Variants in DEPDC4 observed in about 807,000 individuals in gnomAD.
DEPDC4 encodes the protein DEP domain containing 4.
DEPDC4 carries 52 observed loss-of-function variants against 52.0 expected under a neutral mutation model. That is an observed-to-expected ratio of 1.00 (90% CI 0.80 to 1.26). DEPDC4 has a LOEUF of 1.26. DEPDC4 is among the 50% of genes most tolerant of loss of function. The probability of loss-of-function intolerance (pLI) is 0.00; values close to 1 mark genes in which losing one functional copy is unlikely to be tolerated. For synonymous variants in DEPDC4, 201 were observed against 196.8 expected (o/e 1.02, Z -0.18); for missense variants, 530 against 546.9 (o/e 0.97, Z 0.31).
chr12:100,258,839 A>G (rs1041005030), intron 3 of DEPDC4, among the ~76,000 whole-genome samples: 3 of 152,070 alleles, frequency 2.0e-5, no homozygotes, highest in African/African-American at 4.8e-5. Context: ...GGGAGGTTGC[A>G]GTGGTCAGAT....
At chr12:100,279,621 T>C in the DEPDC4 span, among the ~76,000 whole-genome samples, 1 of 152,242 alleles carries the variant, frequency 6.6e-6, no homozygotes, top group African/African-American at 2.4e-5. Flanking sequence ...ACTTTGGTCA[T>C]TTGATAATTG....
At chr12:100,244,134 T>TATATATATATATATAC (rs1403751762) in intron 8 of DEPDC4, among the ~76,000 whole-genome samples, 2 of 121,794 alleles carry the variant, frequency 1.6e-5, no homozygotes, top group South Asian at 2.6e-4. Context: ...TATATATATA[T>TATATATATATATATAC]ACACAAAATA....
At chr12:100,270,724 C>T (rs1447903529), upstream of DEPDC4, among the ~76,000 whole-genome samples, 1 of 151,558 alleles carries the variant, frequency 6.6e-6, no homozygotes, top group Non-Finnish European at 1.5e-5. Flanking sequence ...ATCCTCCTGC[C>T]TTGGCCTCCC....
At chr12:100,252,956 G>C (rs371965710) in intron 5 of DEPDC4, among the ~76,000 whole-genome samples, 1 of 152,106 alleles carries the variant, frequency 6.6e-6, no homozygotes, top group South Asian at 2.1e-4. Flanking sequence ...TCACTCTGTC[G>C]CCCAGGCTGG....
At chr12:100,249,041 T>A in intron 7 of DEPDC4, 63 bp from the exon 8 acceptor site, 1 of 672,550 alleles carries the variant, frequency 1.5e-6, no homozygotes, top group Non-Finnish European at 1.8e-6. Flanking sequence ...CATTTCAACA[T>A]AGAAAGAAAA....
chr12:100,266,857 CCTGCTCCCTTCAG>C (rs1385627803), intron 1 of DEPDC4, 50 bp downstream of exon 1: 1 of 1,556,736 alleles, frequency 6.4e-7, no homozygotes, highest in Non-Finnish European at 8.7e-7. Context: ...GTCCCAGCCG[CCTGCTCCCTTCAG>C]CTGCCCCCTC....
chr12:100,270,566 G>A (rs950502379), upstream of DEPDC4, among the ~76,000 whole-genome samples: 1 of 147,016 alleles, frequency 6.8e-6, no homozygotes, highest in Non-Finnish European at 1.5e-5. Flanking sequence ...CTTACTTATT[G>A]TTTAAATTAC....
chr12:100,233,707 T>G (rs371071955), intron 9 of DEPDC4, among the ~76,000 whole-genome samples: 2 of 152,206 alleles, frequency 1.3e-5, no homozygotes, highest in African/African-American at 4.8e-5. Flanking sequence ...TTTTGGTTTT[T>G]GTGTTCCAAA....
chr12:100,253,588 T>C lies in DEPDC4; in HGVS notation c.1006A>G (p.Ile336Val), dbSNP rs571646152. The C allele has an allele frequency of 1.6e-6, 2 of 1,289,208 alleles. No individual in the cohort carries two copies. Among genetic ancestry groups the C allele is most frequent in the Non-Finnish European group, 2.0e-6 (2 of 988,510 alleles). The allele number at this position is 1,289,208 out of a possible 1,614,324, so 79.9% of individuals were successfully genotyped here. Residue 336 changes from isoleucine (I) to valine (V), a missense_variant, in exon 5 of 10, where the codon ATA becomes GTA. Coordinates refer to ENST00000550587, the MANE Select transcript of DEPDC4 (RefSeq NM_001364818.2). ...TATTTTGCTATGACATCAAAGAGTA[T>C]CTTCTTCTGACTGTTCAATCTTGTC... The part of the protein sequence containing the change: ...EETRLNSQKK[I>V]LFDVIAKYYA...
intron 3 of DEPDC4, among the ~76,000 whole-genome samples, chr12:100,260,029 T>C (rs187422941): frequency 6.6e-6 from 1 of 152,066 alleles, no homozygotes; most frequent in Non-Finnish European, 1.5e-5. Context: ...TACAGGCTAC[T>C]GTAAAATCAT....
At chr12:100,246,210 A>C (rs2096184806) in intron 8 of DEPDC4, among the ~76,000 whole-genome samples, 1 of 150,186 alleles carries the variant, frequency 6.7e-6, no homozygotes, top group Non-Finnish European at 1.5e-5. Context: ...TTTTGCTCAC[A>C]CTGTTCTAAT....
intron 3 of DEPDC4, among the ~76,000 whole-genome samples, chr12:100,260,107 CTTA>C (rs2096248512): frequency 6.6e-6 from 1 of 151,688 alleles, no homozygotes; most frequent in African/African-American, 2.4e-5. Flanking sequence ...GGAAATTATT[CTTA>C]TTATTACCTA....
At chr12:100,254,721 CTT>C (rs1219523436) in intron 4 of DEPDC4, among the ~76,000 whole-genome samples, 1 of 151,516 alleles carries the variant, frequency 6.6e-6, no homozygotes, top group Non-Finnish European at 1.5e-5. Flanking sequence ...CCTTCCCTCT[CTT>C]TCTTCTTTTT....
rs550995859 is a variant in DEPDC4 at position 100,247,294 on chromosome 12, C to T, written c.1453+1606G>A. The stretch of plus-strand genomic sequence containing the variant: ...CATGATCTTGGCTCACTGCAACCTC[C>T]GCCTCCTGGGTTCAAGTGATTCTGC... On this transcript the variant is annotated intron_variant, in intron 8 of 9. Coordinates refer to ENST00000550587, the MANE Select transcript of DEPDC4 (RefSeq NM_001364818.2). Among the ~76,000 whole-genome samples the T allele has an allele frequency of 1.8e-4, 27 of 149,272 alleles. No individual in the cohort carries two copies. The East Asian group carries it at 4.6e-3, about 25-fold the overall frequency.
At chr12:100,237,319 T>TG (rs890459696), downstream of DEPDC4, among the ~76,000 whole-genome samples, 1 of 151,956 alleles carries the variant, frequency 6.6e-6, no homozygotes, top group African/African-American at 2.4e-5. Flanking sequence ...GTGATTCTCC[T>TG]GCCTCAGCCT....
intron 7 of DEPDC4, 134 bp downstream of exon 7, chr12:100,252,042 T>G: frequency 3.8e-6 from 3 of 785,088 alleles, no homozygotes; most frequent in Non-Finnish European, 4.8e-6. Context: ...TTTGTGGGTG[T>G]GGGGAGTCAG....
intron 7 of DEPDC4, among the ~76,000 whole-genome samples, chr12:100,249,429 G>A (rs184078886): frequency 6.6e-5 from 10 of 152,162 alleles, no homozygotes; most frequent in Admixed American, 3.9e-4. Context: ...TGGGAAGATC[G>A]CTTGAGTCCA....
chr12:100,280,797 A>G, the DEPDC4 span, among the ~76,000 whole-genome samples: 1 of 152,082 alleles, frequency 6.6e-6, no homozygotes, highest in Non-Finnish European at 1.5e-5. Context: ...AGCATCCAAC[A>G]TCTGAAAAAA....
At chr12:100,281,576 G>A in the DEPDC4 span, among the ~76,000 whole-genome samples, 1 of 152,126 alleles carries the variant, frequency 6.6e-6, no homozygotes, top group South Asian at 2.1e-4. Flanking sequence ...GCTCACGCCT[G>A]TAATCCCAGC....
Sources: allele counts gnomAD v4.1 joint callset (sites outside exome capture counted in the v4.1 genomes callset), GRCh38; gene constraint gnomAD v4.1.1; transcripts MANE v1.5; gene names NCBI Gene and HGNC (gene_info 2026-07-23, HGNC 2026-07-21).